Variants in RIMS1 observed in about 807,000 individuals in gnomAD.
RIMS1 encodes the protein regulating synaptic membrane exocytosis protein 1.
Under a neutral mutation model 214.1 loss-of-function variants are expected in RIMS1, and 83 were observed. The ratio of observed to expected loss-of-function variants is 0.39; its 90% CI spans 0.32 to 0.47. The LOEUF is 0.47. RIMS1 is among the 20% of genes least tolerant of loss of function. The pLI is 0.99. For missense variants in RIMS1, 2,050 were observed against 2,161.8 expected, an observed-to-expected ratio of 0.95 and a Z score of 1.03; for synonymous variants, 793 against 786.8, an observed-to-expected ratio of 1.01 and a Z score of -0.13.
intron 22 of RIMS1, among the ~76,000 whole-genome samples, chr6:72,271,282 A>ATATATATATAT (rs751448635): frequency 1.0e-4 from 7 of 68,322 alleles, no homozygotes; most frequent in Non-Finnish European, 1.4e-4. Context: ...AAAAAAAAAA[A>ATATATATATAT]AAAAATATAT....
At chr6:72,332,326 T>C (rs1209328306) in intron 28 of RIMS1, among the ~76,000 whole-genome samples, 1 of 151,660 alleles carries the variant, frequency 6.6e-6, no homozygotes, top group Non-Finnish European at 1.5e-5. Context: ...AAACCAGGTT[T>C]TTATTAGACA....
At chr6:72,166,239 G>A (rs1308605196) in intron 4 of RIMS1, among the ~76,000 whole-genome samples, 1 of 149,974 alleles carries the variant, frequency 6.7e-6, no homozygotes, top group Non-Finnish European at 1.5e-5. Context: ...TACACAGTGA[G>A]AGAGAGAGAG....
At chr6:72,051,526 C>T (rs939734163) in intron 2 of RIMS1, among the ~76,000 whole-genome samples, 5 of 152,092 alleles carry the variant, frequency 3.3e-5, no homozygotes, top group South Asian at 2.1e-4. Context: ...TTCCTCTTGA[C>T]GCTTGTTAGA....
chr6:72,382,304 A>G (rs944818062), intron 29 of RIMS1, among the ~76,000 whole-genome samples: 2 of 152,302 alleles, frequency 1.3e-5, no homozygotes, highest in Admixed American at 1.3e-4. Flanking sequence ...GCACAACACA[A>G]AAGGAACATT....
intron 6 of RIMS1, among the ~76,000 whole-genome samples, chr6:72,204,984 C>G (rs1282742632): frequency 6.6e-6 from 1 of 152,058 alleles, no homozygotes; most frequent in Admixed American, 6.6e-5. Flanking sequence ...TTACTTAGGT[C>G]AATAAGTACC....
intron 4 of RIMS1, among the ~76,000 whole-genome samples, chr6:72,109,785 G>A (rs1312640654): frequency 1.3e-5 from 2 of 152,128 alleles, no homozygotes; most frequent in African/African-American, 2.4e-5. Flanking sequence ...CCATGCCTGT[G>A]TCCTGAATGG....
intron 24 of RIMS1, among the ~76,000 whole-genome samples, chr6:72,284,850 G>T (rs2091730017): frequency 6.6e-6 from 1 of 152,080 alleles, no homozygotes; most frequent in Non-Finnish European, 1.5e-5. Flanking sequence ...GCATGCACAG[G>T]TACAGTATGA....
intron 1 of RIMS1, among the ~76,000 whole-genome samples, chr6:71,955,816 T>G (rs1791088959): frequency 6.6e-6 from 1 of 152,104 alleles, no homozygotes; most frequent in African/African-American, 2.4e-5. Flanking sequence ...AGATCAGTAA[T>G]TCTTAACTAC....
At chr6:71,909,100 C>T (rs1776151928) in intron 1 of RIMS1, among the ~76,000 whole-genome samples, 1 of 152,164 alleles carries the variant, frequency 6.6e-6, no homozygotes, top group South Asian at 2.1e-4. Context: ...AGGGATCCTT[C>T]TGCCTCAGCC....
chr6:72,397,976 A>G (rs2098799135), intron 31 of RIMS1, among the ~76,000 whole-genome samples: 1 of 152,188 alleles, frequency 6.6e-6, no homozygotes, highest in African/African-American at 2.4e-5. Flanking sequence ...TACAAGAATT[A>G]TAGAAATACT....
rs566920762 is a variant in RIMS1 at position 72,322,182 on chromosome 6, C to T, written c.4130+8510C>T. Among the ~76,000 whole-genome samples, 3 of 152,134 alleles carry T rather than the reference C, an allele frequency of 2.0e-5. No homozygotes were observed. In the South Asian group the frequency reaches 6.2e-4, roughly 32 times the overall value. ...CTTAAAAAGTCCAATGAAAAATTCCCTTCTAGAATATGTAAGAGCTAGGGG... is the reference window on the plus strand; with the variant it reads ...CTTAAAAAGTCCAATGAAAAATTCCTTTCTAGAATATGTAAGAGCTAGGGG... On this transcript the variant is annotated intron_variant, in intron 28 of 33. Transcript: ENST00000521978.
intron 6 of RIMS1, among the ~76,000 whole-genome samples, chr6:72,227,684 G>A (rs1032893172): frequency 1.3e-5 from 2 of 151,940 alleles, no homozygotes; most frequent in African/African-American, 4.8e-5. Flanking sequence ...CATAAGGATG[G>A]CACCACAGGG....
intron 1 of RIMS1, among the ~76,000 whole-genome samples, chr6:71,966,631 C>A (rs909435436): frequency 6.6e-6 from 1 of 152,170 alleles, no homozygotes; most frequent in Non-Finnish European, 1.5e-5. Context: ...AAGCAGTTCT[C>A]CTGCCTCAGC....
rs1767853839 is a variant in RIMS1, at chr6:71,886,630, C to A, written c.-394C>A. 6.6e-6 allele frequency: 1 copy of A among 150,658 alleles called. No homozygotes were observed. Among genetic ancestry groups the A allele is most frequent in the South Asian group, 1.8e-4 (1 of 5,660 alleles). The allele number at this position is 150,658 out of a possible 1,614,324, so 9.3% of individuals were successfully genotyped here. The stretch of plus-strand genomic sequence containing the variant: ...GTCCCAGCCCCAGCCCCAGCCCCAG[C>A]CCCGCCCCCGCCCCGCGCCCCGCCG... On this transcript the variant is annotated 5_prime_UTR_variant, in exon 1 of 34. Transcript: ENST00000521978.
intron 27 of RIMS1, among the ~76,000 whole-genome samples, chr6:72,312,834 A>G (rs1413358477): frequency 6.6e-6 from 1 of 152,194 alleles, no homozygotes; most frequent in Admixed American, 6.5e-5. Flanking sequence ...TAAATTGACT[A>G]GTTTTAGAAA....
chr6:71,942,979 A>G (rs192565096), intron 1 of RIMS1, among the ~76,000 whole-genome samples: 42 of 152,230 alleles, frequency 2.8e-4, no homozygotes, highest in African/African-American at 9.1e-4. Flanking sequence ...AAAGGGAAAG[A>G]CATGTATTAA....
At chr6:72,316,929 T>A in intron 28 of RIMS1, 1 of 704,356 alleles carries the variant, frequency 1.4e-6, no homozygotes, top group Non-Finnish European at 2.6e-6. Context: ...TGAGGTGTCC[T>A]GCAGTAGAGT....
chr6:72,207,987 G>A (rs1013957490), intron 6 of RIMS1, among the ~76,000 whole-genome samples: 4 of 152,112 alleles, frequency 2.6e-5, no homozygotes, highest in Non-Finnish European at 5.9e-5. Flanking sequence ...TAATGGTTGG[G>A]GGCTTGCATT....
At chr6:72,186,344 A>G (rs902873331) in intron 6 of RIMS1, among the ~76,000 whole-genome samples, 1 of 152,250 alleles carries the variant, frequency 6.6e-6, no homozygotes, top group African/African-American at 2.4e-5. Flanking sequence ...TTTTCACTAT[A>G]TAATGCTGTA....
Sources: allele counts gnomAD v4.1 joint callset (sites outside exome capture counted in the v4.1 genomes callset), GRCh38; gene constraint gnomAD v4.1.1; transcripts MANE v1.5; gene names NCBI Gene and HGNC (gene_info 2026-07-23, HGNC 2026-07-21).